Variants in TLN2 observed in about 807,000 individuals in gnomAD.
TLN2 encodes the protein talin 2.
Under a neutral mutation model 294.7 loss-of-function variants are expected in TLN2, and 118 were observed. The observed-to-expected ratio is 0.40, with a 90% CI of 0.34 to 0.47. The LOEUF (loss-of-function observed/expected upper bound fraction) is 0.47, where lower values mean the gene tolerates loss of function less well. Among genes scored for constraint, TLN2 ranks in the 20% least tolerant of loss-of-function variants. The pLI is 0.84. For synonymous variants in TLN2, 1,431 were observed against 1,304.5 expected, an observed-to-expected ratio of 1.10 and a Z score of -2.09; for missense variants, 3,083 against 3,282.2, an observed-to-expected ratio of 0.94 and a Z score of 1.48.
rs1400661397 is a variant in TLN2 at position 62,758,325 on chromosome 15, A to G, written c.4638+2632A>G. 3.3e-5 allele frequency among the ~76,000 whole-genome samples: 5 copies of G among 152,282 alleles called. No individual in the cohort carries two copies. In the South Asian group the frequency reaches 8.3e-4, roughly 25 times the overall value. On this transcript the variant is annotated intron_variant, in intron 37 of 58. Transcript: ENST00000636159. ...CTGCCTCCTGCCAGGGATGGCTGTA[A>G]ATGCTGGGCATGGTAGAAGGATGCA...
chr15:62,688,161 A>C (rs1437617736), intron 12 of TLN2, among the ~76,000 whole-genome samples: 1 of 152,196 alleles, frequency 6.6e-6, no homozygotes, highest in African/African-American at 2.4e-5. Flanking sequence ...AAAAATGAAT[A>C]GTTATGATAA....
chr15:62,616,706 T>A (rs1382686946), intron 2 of TLN2, among the ~76,000 whole-genome samples: 3 of 152,216 alleles, frequency 2.0e-5, no homozygotes, highest in Non-Finnish European at 4.4e-5. Context: ...GGGAACCTCA[T>A]GTGGAGTCAG....
chr15:62,737,115 G>C lies in TLN2; in HGVS notation c.3567+29G>C, dbSNP rs374476886. 3.1e-6 allele frequency: 5 copies of C among 1,611,336 alleles called. No individual in the cohort carries two copies. In the African/African-American group the frequency reaches 5.3e-5, roughly 17 times the overall value. The stretch of plus-strand genomic sequence containing the variant: ...AGGCTAGGAATGAGAAATTGTGGTT[G>C]TCATGGTCATCATTAACGTGGACAT... On this transcript the variant is annotated intron_variant, in intron 29 of 58. Coordinates refer to ENST00000636159, the MANE Select transcript of TLN2 (RefSeq NM_015059.3).
At chr15:62,711,574 A>C (rs181742491) in intron 21 of TLN2, among the ~76,000 whole-genome samples, 1 of 152,220 alleles carries the variant, frequency 6.6e-6, no homozygotes, top group East Asian at 1.9e-4. Flanking sequence ...GAAGAAAGCA[A>C]TGTTTTCTAA....
At chr15:62,634,096 G>T (rs942107615) in intron 3 of TLN2, among the ~76,000 whole-genome samples, 2 of 152,164 alleles carry the variant, frequency 1.3e-5, no homozygotes, top group African/African-American at 2.4e-5. Flanking sequence ...AAATAAGGTC[G>T]CAGTCTGAGG....
intron 1 of TLN2, among the ~76,000 whole-genome samples, chr15:62,558,860 G>A (rs181546708): frequency 2.0e-5 from 3 of 152,272 alleles, no homozygotes; most frequent in Admixed American, 1.3e-4. Flanking sequence ...AGCTGTCTGC[G>A]GTGGTTAACC....
At chr15:62,496,826 A>G (rs2039040765) in intron 1 of TLN2, among the ~76,000 whole-genome samples, 1 of 152,200 alleles carries the variant, frequency 6.6e-6, no homozygotes, top group Non-Finnish European at 1.5e-5. Context: ...ATTGTCCATT[A>G]TACACACATC....
intron 53 of TLN2, among the ~76,000 whole-genome samples, 174 bp from the exon 54 acceptor site, chr15:62,820,311 AC>A (rs1309756160): frequency 9.5e-6 from 1 of 105,760 alleles, no homozygotes; most frequent in Non-Finnish European, 1.9e-5. Context: ...TAGCACCCCC[AC>A]CCCCCACCCC....
intron 1 of TLN2, among the ~76,000 whole-genome samples, chr15:62,575,091 T>G (rs1175052089): frequency 6.6e-6 from 1 of 152,130 alleles, no homozygotes; most frequent in African/African-American, 2.4e-5. Context: ...GGTGGGCAGA[T>G]AGCTTGAGCC....
At chr15:62,479,038 A>G (rs760411469) in intron 1 of TLN2, among the ~76,000 whole-genome samples, 5 of 152,216 alleles carry the variant, frequency 3.3e-5, no homozygotes, top group Non-Finnish European at 5.9e-5. Flanking sequence ...ATCCATGCGT[A>G]TAACCCCTTC....
chr15:62,764,238 A>G (rs2141028226), intron 40 of TLN2, among the ~76,000 whole-genome samples: 1 of 152,256 alleles, frequency 6.6e-6, no homozygotes, highest in Middle Eastern at 3.4e-3. Flanking sequence ...GTTTTTCCAA[A>G]GTTTAAAATG....
In TLN2 at chr15:62,702,788, C is replaced by T. The variant is rs766441248; in HGVS notation, c.1928C>T (p.Ala643Val). The T allele has an allele frequency of 1.9e-6, 3 of 1,614,186 alleles. No individual in the cohort carries two copies. Among genetic ancestry groups the T allele is most frequent in the Non-Finnish European group, 1.7e-6 (2 of 1,180,018 alleles). ...SGEPRQTVLT[A>V]AGSIGQASGD... ...CAGCCTCGACAGACAGTTTTGACTG[C>T]TGCTGGCAGCATCGGACAAGCCAGT... Residue 643 changes from alanine to valine, a missense_variant, in exon 19 of 59, where the codon GCT (alanine) becomes GTT (valine). Coordinates refer to ENST00000636159, the MANE Select transcript of TLN2 (RefSeq NM_015059.3).
intron 1 of TLN2, among the ~76,000 whole-genome samples, chr15:62,445,360 G>A (rs561196422): frequency 3.3e-5 from 5 of 152,242 alleles, no homozygotes; most frequent in East Asian, 3.9e-4. Flanking sequence ...TGCTATATAC[G>A]TTAGAGTTTA....
rs770490862 is a variant in TLN2 at position 62,842,088 on chromosome 15, G to C, written c.*1478G>C. 5 of 152,022 alleles carry C rather than the reference G, an allele frequency of 3.3e-5. No homozygotes were observed. Among genetic ancestry groups the C allele is most frequent in the African/African-American group, 7.3e-5 (3 of 41,370 alleles). The allele number at this position is 152,022 out of a possible 1,614,324, so 9.4% of individuals were successfully genotyped here. On this transcript the variant is annotated 3_prime_UTR_variant, in exon 59 of 59. Coordinates refer to ENST00000636159, the MANE Select transcript of TLN2 (RefSeq NM_015059.3). ...TGGTCCTCCGAAGATGTCACCTTTC[G>C]ACCTTGCCCGATCTTGTTTCACCAG...
chr15:62,497,618 G>A (rs1178617501), intron 1 of TLN2, among the ~76,000 whole-genome samples: 1 of 152,202 alleles, frequency 6.6e-6, no homozygotes, highest in Non-Finnish European at 1.5e-5. Context: ...CCACCCAGCA[G>A]TGAGTTAGCC....
chr15:62,457,371 A>G lies in TLN2; in HGVS notation c.-238+66686A>G, dbSNP rs1438455880. The stretch of plus-strand genomic sequence containing the variant: ...GTCGTGACCTCATCTAAACCTAATT[A>G]TCTCCCTAAGGCACCAGCACCATCC... On this transcript the variant is annotated intron_variant, in intron 1 of 58. Coordinates refer to ENST00000636159, the MANE Select transcript of TLN2 (RefSeq NM_015059.3). Among the ~76,000 whole-genome samples, 7 of 152,316 alleles carry G rather than the reference A, an allele frequency of 4.6e-5. No individual in the cohort carries two copies. The East Asian group carries it at 1.4e-3, about 29-fold the overall frequency.
chr15:62,732,699 A>T (rs961174096), intron 28 of TLN2, among the ~76,000 whole-genome samples: 3 of 152,202 alleles, frequency 2.0e-5, no homozygotes, highest in Non-Finnish European at 2.9e-5. Context: ...AGTGTCCTAC[A>T]GTGGAGACGA....
intron 2 of TLN2, among the ~76,000 whole-genome samples, chr15:62,597,931 T>G (rs1312539683): frequency 6.6e-6 from 1 of 152,220 alleles, no homozygotes; most frequent in Non-Finnish European, 1.5e-5. Flanking sequence ...CCACTTGTGG[T>G]GTCTTGGCAA....
intron 20 of TLN2, among the ~76,000 whole-genome samples, chr15:62,708,034 A>T (rs1485667764): frequency 6.6e-6 from 1 of 152,076 alleles, no homozygotes; most frequent in Non-Finnish European, 1.5e-5. Context: ...CCACGCTGCT[A>T]GAATTTACAA....
Sources: allele counts gnomAD v4.1 joint callset (sites outside exome capture counted in the v4.1 genomes callset), GRCh38; gene constraint gnomAD v4.1.1; transcripts MANE v1.5; gene names NCBI Gene and HGNC (gene_info 2026-07-23, HGNC 2026-07-21).